NLGN1: variants seen among roughly 807,000 people sequenced by gnomAD.
NLGN1 encodes the protein neuroligin 1.
Under a neutral mutation model 65.5 loss-of-function variants are expected in NLGN1, and 12 were observed. The observed-to-expected ratio is 0.18, with a 90% CI of 0.12 to 0.30. NLGN1 has a LOEUF of 0.30. NLGN1 is among the 10% of genes least tolerant of loss of function. NLGN1 has a pLI of 1.00. For synonymous variants in NLGN1, 350 were observed against 359.5 expected, an observed-to-expected ratio of 0.97 and a Z score of 0.30; for missense variants, 750 against 1,007.1, an observed-to-expected ratio of 0.74 and a Z score of 3.46.
At chr3:174,014,343 T>C (rs1726128726) in intron 4 of NLGN1, among the ~76,000 whole-genome samples, 1 of 152,374 alleles carries the variant, frequency 6.6e-6, no homozygotes, top group South Asian at 2.1e-4. Context: ...TTTTACTTTA[T>C]TGTGCCAACG....
At chr3:173,832,193 G>A (rs556490963) in intron 4 of NLGN1, among the ~76,000 whole-genome samples, 58 of 151,512 alleles carry the variant, frequency 3.8e-4, no homozygotes, top group Non-Finnish European at 5.3e-4. Context: ...TGAACTCCTG[G>A]GCTCAAGCAG....
At chr3:173,435,341 A>G (rs549110504) in intron 2 of NLGN1, among the ~76,000 whole-genome samples, 2 of 152,312 alleles carry the variant, frequency 1.3e-5, no homozygotes, top group South Asian at 2.1e-4. Context: ...ATAACCTGCC[A>G]TAGAAAAACT....
chr3:173,566,511 A>G (rs988834474), intron 2 of NLGN1, among the ~76,000 whole-genome samples: 32 of 152,022 alleles, frequency 2.1e-4, no homozygotes, highest in African/African-American at 7.7e-4. Flanking sequence ...ATAAATTTGG[A>G]AAAAAAATAT....
In NLGN1 at chr3:174,265,327, G is replaced by A. The variant is rs187033733; in HGVS notation, c.647-9988G>A. Among the ~76,000 whole-genome samples, 1,004 of 151,992 alleles carry A rather than the reference G, an allele frequency of 6.6e-3. 7 individuals carry two copies. Among genetic ancestry groups the A allele is most frequent in the Non-Finnish European group, 0.011 (758 of 67,992 alleles). ...TCTCAGACTGCTGTGCTAGCAATCA[G>A]TGAGACTCCGTGGGCGTAGGACCCT... On this transcript the variant is annotated intron_variant, in intron 4 of 6. Coordinates refer to ENST00000457714, the Ensembl canonical transcript of NLGN1.
At chr3:173,662,615 G>A (rs1761086780) in intron 3 of NLGN1, among the ~76,000 whole-genome samples, 2 of 151,984 alleles carry the variant, frequency 1.3e-5, no homozygotes, top group South Asian at 4.1e-4. Context: ...GTGAATCTTT[G>A]GAAGGATTCC....
intron 4 of NLGN1, among the ~76,000 whole-genome samples, chr3:174,162,040 T>C (rs534444880): frequency 1.1e-4 from 16 of 151,726 alleles, no homozygotes; most frequent in Non-Finnish European, 2.2e-4. Context: ...CAACAAACAA[T>C]GACAGTTAAC....
At chr3:173,909,573 A>G (rs1739152328) in intron 4 of NLGN1, among the ~76,000 whole-genome samples, 1 of 152,182 alleles carries the variant, frequency 6.6e-6, no homozygotes, top group Non-Finnish European at 1.5e-5. Context: ...GGTAGATTAT[A>G]TTATTTTCTC....
At chr3:174,276,324 AC>A (rs1750563993) in intron 5 of NLGN1, among the ~76,000 whole-genome samples, 1 of 151,900 alleles carries the variant, frequency 6.6e-6, no homozygotes, top group Admixed American at 6.6e-5. Context: ...GCATAGAATC[AC>A]CCATTCCAAC....
intron 1 of NLGN1, among the ~76,000 whole-genome samples, chr3:173,422,567 T>C (rs1239641855): frequency 6.6e-6 from 1 of 152,208 alleles, no homozygotes; most frequent in Non-Finnish European, 1.5e-5. Flanking sequence ...CTATAATGGC[T>C]GTACTAATTT....
intron 4 of NLGN1, among the ~76,000 whole-genome samples, chr3:174,220,706 T>A (rs867185164): frequency 2.7e-5 from 4 of 148,116 alleles, no homozygotes; most frequent in Non-Finnish European, 4.5e-5. Flanking sequence ...AATCCTAACA[T>A]AATATAGTTT....
intron 4 of NLGN1, among the ~76,000 whole-genome samples, chr3:173,952,757 T>A (rs1211565822): frequency 6.6e-6 from 1 of 152,134 alleles, no homozygotes; most frequent in Admixed American, 6.6e-5. Flanking sequence ...TACTAGTTTT[T>A]TTAAGTGGTT....
At chr3:173,751,370 CTTG>C (rs1406598844) in intron 3 of NLGN1, among the ~76,000 whole-genome samples, 2 of 150,500 alleles carry the variant, frequency 1.3e-5, no homozygotes, top group Non-Finnish European at 3.0e-5. Flanking sequence ...ATAGCCGTAA[CTTG>C]TTGATTTAAT....
intron 3 of NLGN1, among the ~76,000 whole-genome samples, chr3:173,697,113 A>G (rs11926828): frequency 0.12 from 17,521 of 152,184 alleles, 1,050 homozygotes; most frequent in Middle Eastern, 0.28. Context: ...GATCCTAGTG[A>G]AAGTTAAATG....
chr3:173,829,054 C>T (rs969236353), intron 4 of NLGN1, among the ~76,000 whole-genome samples: 3 of 152,016 alleles, frequency 2.0e-5, no homozygotes, highest in African/African-American at 7.2e-5. Context: ...AGCAAGAATG[C>T]AAGCAGGGAG....
chr3:174,290,124 A>G (rs1425145389), downstream of NLGN1, among the ~76,000 whole-genome samples: 1 of 150,716 alleles, frequency 6.6e-6, no homozygotes, highest in Non-Finnish European at 1.5e-5. Context: ...CAAAATTTCA[A>G]CACTGTTTGT....
intron 4 of NLGN1, among the ~76,000 whole-genome samples, chr3:173,812,475 C>G (rs923827125): frequency 1.3e-5 from 2 of 151,960 alleles, no homozygotes; most frequent in African/African-American, 4.8e-5. Flanking sequence ...TGCCTGTAAT[C>G]TCAGCACTTT....
At chr3:174,265,449 G>GC (rs1210970255) in intron 4 of NLGN1, among the ~76,000 whole-genome samples, 2 of 152,050 alleles carry the variant, frequency 1.3e-5, no homozygotes, top group African/African-American at 4.8e-5. Context: ...TTTTCCAGGT[G>GC]CGTCCGTCAC....
intron 2 of NLGN1, among the ~76,000 whole-genome samples, chr3:173,570,253 C>T (rs1421742820): frequency 6.6e-6 from 1 of 152,146 alleles, no homozygotes; most frequent in African/African-American, 2.4e-5. Context: ...AAAGGAAAGC[C>T]TTTCAAACAG....
At chr3:174,035,319 G>A (rs564360386) in intron 4 of NLGN1, among the ~76,000 whole-genome samples, 211 of 152,200 alleles carry the variant, frequency 1.4e-3, no homozygotes, top group African/African-American at 4.9e-3. Context: ...CATTTCATTG[G>A]TTAATTTTAT....
Sources: gnomAD v4.1 joint callset for allele counts (sites outside exome capture counted in the v4.1 genomes callset) on GRCh38, gnomAD v4.1.1 for gene constraint, MANE v1.5 for transcripts, NCBI Gene and HGNC (gene_info 2026-07-23, HGNC 2026-07-21) for gene names.